SLC12A3: variants seen among roughly 807,000 people sequenced by gnomAD.
The protein encoded by SLC12A3 is Na-Cl cotransporter.
Under a neutral mutation model 121.0 loss-of-function variants are expected in SLC12A3, and 104 were observed. The ratio of observed to expected loss-of-function variants is 0.86; its 90% confidence interval spans 0.73 to 1.01. The LOEUF (loss-of-function observed/expected upper bound fraction) is 1.01, where lower values mean the gene tolerates loss of function less well. Among genes scored for constraint, SLC12A3 ranks in the 50% least tolerant of loss-of-function variants. The pLI is 0.00. For missense variants in SLC12A3, 1,328 were observed against 1,356.3 expected (o/e 0.98, Z 0.33); for synonymous variants, 536 against 533.4 (o/e 1.00, Z -0.07).
intron 8 of SLC12A3, among the ~76,000 whole-genome samples, chr16:56,874,103 C>A (rs143806001): frequency 8.8e-4 from 134 of 152,332 alleles, no homozygotes; most frequent in Middle Eastern, 3.4e-3. Flanking sequence ...TTGGGCCAAA[C>A]GCGTATCTGT....
intron 25 of SLC12A3, among the ~76,000 whole-genome samples, chr16:56,905,017 G>A (rs1353684630): frequency 6.6e-6 from 1 of 152,094 alleles, no homozygotes; most frequent in Non-Finnish European, 1.5e-5. Flanking sequence ...AGGTCTCAGG[G>A]TGGCTCTGCT....
intron 8 of SLC12A3, among the ~76,000 whole-genome samples, chr16:56,873,897 A>T (rs569088752): frequency 1.8e-4 from 28 of 151,582 alleles, no homozygotes; most frequent in Non-Finnish European, 2.4e-4. Flanking sequence ...TTTTTAGTAG[A>T]GACAGGGTTT....
intron 25 of SLC12A3, among the ~76,000 whole-genome samples, chr16:56,905,422 C>T (rs557002917): frequency 1.4e-4 from 22 of 151,788 alleles, no homozygotes; most frequent in South Asian, 1.0e-3. Flanking sequence ...AAGGGGTCTT[C>T]GCCAAGGTAA....
Position 56,867,077 on chromosome 16 carries a change from G to A in SLC12A3, c.290G>A (p.Gly97Asp). Reference protein sequence around the residue: ...ADLHSFLKQEGRHLHALAFDS... With the variant: ...ADLHSFLKQEDRHLHALAFDS... ...TGGTCTCTGGGCTGCCAGCAGGAAGGCAGACACCTGCATGCCCTGGCCTTT... is the reference window on the plus strand; with the variant it reads ...TGGTCTCTGGGCTGCCAGCAGGAAGACAGACACCTGCATGCCCTGGCCTTT... The change falls in exon 2 of 26, where the codon GGC becomes GAC. Residue 97 changes from glycine (G) to aspartate (D), a missense_variant. Physicochemically the swap from Gly to Asp is moderately conservative, Grantham distance 94. Transcript: ENST00000563236. 1.2e-6 allele frequency: 2 copies of A among 1,612,938 alleles called. No individual in the cohort carries two copies. The highest frequency in any genetic ancestry group is 1.6e-4 in the Middle Eastern group (1 of 6,062).
intron 8 of SLC12A3, among the ~76,000 whole-genome samples, chr16:56,877,130 G>A (rs2055173806): frequency 1.3e-5 from 2 of 152,186 alleles, no homozygotes; most frequent in African/African-American, 2.4e-5. Flanking sequence ...GGGGGCTCAC[G>A]CCTGTAATCC....
chr16:56,875,376 A>G (rs1275071779), intron 8 of SLC12A3, among the ~76,000 whole-genome samples: 1 of 152,154 alleles, frequency 6.6e-6, no homozygotes, highest in African/African-American at 2.4e-5. Context: ...TAATTCATGT[A>G]AAGTGCTTAG....
At chr16:56,882,073 T>G (rs1035524106) in intron 12 of SLC12A3, among the ~76,000 whole-genome samples, 2 of 151,766 alleles carry the variant, frequency 1.3e-5, no homozygotes, top group Non-Finnish European at 2.9e-5. Context: ...AGAAAAGTAT[T>G]TCTTGCTGTC....
At chr16:56,901,482 G>C (rs2055538199) in intron 23 of SLC12A3, among the ~76,000 whole-genome samples, 1 of 152,044 alleles carries the variant, frequency 6.6e-6, no homozygotes, top group Non-Finnish European at 1.5e-5. Context: ...TGGGATTACA[G>C]GTGTGTGCCA....
chr16:56,894,910 G>T (rs1394294496), intron 22 of SLC12A3, among the ~76,000 whole-genome samples: 4 of 151,772 alleles, frequency 2.6e-5, no homozygotes, highest in African/African-American at 9.7e-5. Context: ...AGGGGAGTTA[G>T]GTTGTAAAGT....
chr16:56,913,781 T>C lies in SLC12A3; in HGVS notation c.*376T>C, dbSNP rs2055718124. The C allele has an allele frequency of 3.0e-6, 1 of 333,658 alleles. No individual in the cohort carries two copies. The highest frequency in any genetic ancestry group is 5.8e-6 in the Non-Finnish European group (1 of 172,536). The allele number at this position is 333,658 out of a possible 1,614,324, so 20.7% of individuals were successfully genotyped here. A position where few individuals can be genotyped will look rare whatever the true frequency, so the allele number is the denominator to read the frequency against. ...GAATCTTGACAGTTTCTACAGACCTTCCTGGGTGAAAGTTCCTAAATCATG... is the reference window on the plus strand; with the variant it reads ...GAATCTTGACAGTTTCTACAGACCTCCCTGGGTGAAAGTTCCTAAATCATG... On this transcript the variant is annotated 3_prime_UTR_variant, in exon 26 of 26. Transcript: ENST00000563236.
intron 6 of SLC12A3, 92 bp from the exon 7 acceptor site, chr16:56,872,258 AG>A: frequency 1.2e-6 from 1 of 828,456 alleles, no homozygotes. Context: ...TGAATAATGG[AG>A]AAACGGGCCC....
At chr16:56,866,965 G>C in intron 1 of SLC12A3, 105 bp from the exon 2 acceptor site, 1 of 1,485,646 alleles carries the variant, frequency 6.7e-7, no homozygotes, top group Non-Finnish European at 9.3e-7. Context: ...TGAGGGGTCG[G>C]GGGGTGCTCG....
Position 56,897,535 on chromosome 16 carries a change from C to G in SLC12A3, c.2634-1995C>G, listed in dbSNP as rs542962073. Among the ~76,000 whole-genome samples the G allele has an allele frequency of 4.4e-4, 67 of 152,318 alleles. 1 individual carries two copies. The South Asian group carries it at 0.014, about 32-fold the overall frequency. On this transcript the variant is annotated intron_variant, in intron 22 of 25. Transcript: ENST00000563236. ...CCTCACCCCCACTAAGAACTTTCTCCTGGGAAAGCCCCTTTTCTGCAATGC... is the reference window on the plus strand; with the variant it reads ...CCTCACCCCCACTAAGAACTTTCTCGTGGGAAAGCCCCTTTTCTGCAATGC...
At chr16:56,912,204 G>A (rs999224342) in intron 25 of SLC12A3, among the ~76,000 whole-genome samples, 6 of 152,244 alleles carry the variant, frequency 3.9e-5, no homozygotes, top group East Asian at 1.9e-4. Context: ...CACTTCATGC[G>A]GCACCAGCTG....
At chr16:56,890,378 TC>T in intron 19 of SLC12A3, 22 bp downstream of exon 19, 1 of 1,604,306 alleles carries the variant, frequency 6.2e-7, no homozygotes, top group Non-Finnish European at 8.5e-7. Context: ...CCCCACCCAC[TC>T]CCAGAAAGTT....
At position 56,886,992 on chromosome 16, in the gene SLC12A3, G is replaced by A. The variant is rs375308045; in HGVS notation, c.2077G>A (p.Ala693Thr). The A allele has an allele frequency of 2.2e-5, 35 of 1,613,630 alleles. No individual in the cohort carries two copies. The highest frequency in any genetic ancestry group is 1.6e-4 in the Middle Eastern group (1 of 6,084). ...GAGGATGCCTGAGCTCCAGCTCATC[G>A]CCAACGGGCACACCAAGTGGCTGAA... is the stretch of plus-strand genomic sequence containing the variant. ...KQRMPELQLI[A>T]NGHTKWLNKR... is the part of the protein sequence containing the mutation. Residue 693 changes from alanine to threonine, a missense_variant, in exon 17 of 26, where the codon GCC (alanine) becomes ACC (threonine). By Grantham distance (58) the Ala-to-Thr change is moderately conservative. Coordinates refer to ENST00000563236, the MANE Select transcript of SLC12A3 (RefSeq NM_001126108.2).
rs1037430183 is a variant in SLC12A3 at position 56,893,309 on chromosome 16, G to A, written c.2521+255G>A. Among the ~76,000 whole-genome samples the A allele has an allele frequency of 6.6e-5, 10 of 152,264 alleles. No individual in the cohort carries two copies. The highest frequency in any genetic ancestry group is 6.5e-5 in the Admixed American group (1 of 15,290). On this transcript the variant is annotated intron_variant, in intron 21 of 25. Transcript: ENST00000563236. Reference sequence around the variant, plus strand: ...TGGATGGCCCTTAGGGGCACAGGCAGGTGATATAAATGGGGAGATGGGCGG... The same window carrying A: ...TGGATGGCCCTTAGGGGCACAGGCAAGTGATATAAATGGGGAGATGGGCGG...
In SLC12A3 at chr16:56,897,977, C is replaced by T. The variant is rs532308780; in HGVS notation, c.2634-1553C>T. Among the ~76,000 whole-genome samples, 16 of 152,336 alleles carry T rather than the reference C, an allele frequency of 1.1e-4. No individual in the cohort carries two copies. In the South Asian group the frequency reaches 1.4e-3, roughly 14 times the overall value. On this transcript the variant is annotated intron_variant, in intron 22 of 25. Coordinates refer to ENST00000563236, the MANE Select transcript of SLC12A3 (RefSeq NM_001126108.2). ...CTTGCCTGCTGGGTCCCAGCCTGGT[C>T]CTCCAGACTTGTTTCCCATTTCTTC... is the stretch of plus-strand genomic sequence containing the variant.
intron 8 of SLC12A3, among the ~76,000 whole-genome samples, chr16:56,873,300 G>A (rs1385150453): frequency 1.3e-5 from 2 of 151,164 alleles, no homozygotes; most frequent in African/African-American, 4.9e-5. Context: ...GCCTTTGCCT[G>A]TGCTGCGCTC....
Sources: gnomAD v4.1 joint callset for allele counts (sites outside exome capture counted in the v4.1 genomes callset) on GRCh38, gnomAD v4.1.1 for gene constraint, MANE v1.5 for transcripts, NCBI Gene and HGNC (gene_info 2026-07-23, HGNC 2026-07-21) for gene names.